Variants in COL26A1 observed in about 807,000 individuals in gnomAD.
The protein encoded by COL26A1 is collagen type XXVI alpha 1 chain.
In COL26A1, 41 loss-of-function variants were observed where a neutral mutation model predicts 59.3. The observed-to-expected ratio is 0.69, with a 90% confidence interval of 0.54 to 0.90. The LOEUF is 0.90. Among genes scored for constraint, COL26A1 ranks in the 40% least tolerant of loss-of-function variants. The probability of loss-of-function intolerance (pLI) is 0.00; values close to 1 mark genes in which losing one functional copy is unlikely to be tolerated. For missense variants in COL26A1, 612 were observed against 602.3 expected (o/e 1.02, Z -0.17); for synonymous variants, 266 against 256.0 (o/e 1.04, Z -0.37).
intron 3 of COL26A1, among the ~76,000 whole-genome samples, chr7:101,497,064 T>C (rs912078673): frequency 1.5e-4 from 22 of 150,062 alleles, no homozygotes; most frequent in Non-Finnish European, 2.5e-4. Flanking sequence ...ATGGTGAAAC[T>C]CCGTCTCTAC....
At chr7:101,465,551 G>A (rs1483671540) in intron 3 of COL26A1, among the ~76,000 whole-genome samples, 8 of 151,948 alleles carry the variant, frequency 5.3e-5, no homozygotes, top group East Asian at 1.9e-4. Flanking sequence ...AAAATCAGTC[G>A]GGCGTGGTGG....
chr7:101,504,873 G>T (rs1794775829), intron 3 of COL26A1, among the ~76,000 whole-genome samples: 1 of 152,060 alleles, frequency 6.6e-6, no homozygotes, highest in African/African-American at 2.4e-5. Flanking sequence ...TTATGTGTGT[G>T]GGCTGGGCAC....
At chr7:101,548,888 C>T (rs538169705) in intron 8 of COL26A1, among the ~76,000 whole-genome samples, 4 of 152,238 alleles carry the variant, frequency 2.6e-5, no homozygotes, top group South Asian at 2.1e-4. Flanking sequence ...GCAGTCTGGA[C>T]GGACTTCCTC....
chr7:101,391,857 T>TCTTTTCTTTA (rs1791736803), intron 1 of COL26A1, among the ~76,000 whole-genome samples: 1 of 51,778 alleles, frequency 1.9e-5, no homozygotes, highest in East Asian at 3.0e-4. Flanking sequence ...GCCAAGCCTT[T>TCTTTTCTTTA]CTTTTCTTTT....
intron 3 of COL26A1, among the ~76,000 whole-genome samples, chr7:101,465,984 A>G (rs1793750470): frequency 6.6e-6 from 1 of 152,158 alleles, no homozygotes; most frequent in African/African-American, 2.4e-5. Context: ...CTTGCTAACA[A>G]CTTGCTAACG....
At chr7:101,409,788 T>C (rs572378097) in intron 1 of COL26A1, among the ~76,000 whole-genome samples, 1 of 151,644 alleles carries the variant, frequency 6.6e-6, no homozygotes, top group East Asian at 1.9e-4. Flanking sequence ...TGAGACGGAG[T>C]CTCGCTCTGT....
chr7:101,390,158 T>G (rs1161751898), intron 1 of COL26A1, among the ~76,000 whole-genome samples: 1 of 136,694 alleles, frequency 7.3e-6, no homozygotes, highest in African/African-American at 2.9e-5. Context: ...GTTTTTTTTT[T>G]TTTTTTTTTT....
chr7:101,422,777 C>A (rs1355951036), intron 2 of COL26A1, among the ~76,000 whole-genome samples: 1 of 152,082 alleles, frequency 6.6e-6, no homozygotes, highest in Non-Finnish European at 1.5e-5. Flanking sequence ...ATAGCTAGGA[C>A]TACAGGCATG....
At chr7:101,495,504 G>A (rs931950667) in intron 3 of COL26A1, among the ~76,000 whole-genome samples, 1 of 151,844 alleles carries the variant, frequency 6.6e-6, no homozygotes, top group Non-Finnish European at 1.5e-5. Flanking sequence ...CGCCTCCCAG[G>A]TTCACGCCAT....
At chr7:101,458,778 G>A (rs1793539246) in intron 3 of COL26A1, among the ~76,000 whole-genome samples, 1 of 151,642 alleles carries the variant, frequency 6.6e-6, no homozygotes, top group Non-Finnish European at 1.5e-5. Flanking sequence ...GCTAAGGAGT[G>A]GCCAGTGTAG....
At chr7:101,369,416 A>C (rs936996493) in intron 1 of COL26A1, among the ~76,000 whole-genome samples, 1 of 150,550 alleles carries the variant, frequency 6.6e-6, no homozygotes, top group Non-Finnish European at 1.5e-5. Context: ...TAAATAAATA[A>C]ATAAATAAAG....
At chr7:101,555,648 T>C in intron 11 of COL26A1, 139 bp from the exon 12 acceptor site, 2 of 602,570 alleles carry the variant, frequency 3.3e-6, no homozygotes, top group Non-Finnish European at 3.0e-6. Flanking sequence ...AGTCTATGCT[T>C]ATTTGCAGTG....
chr7:101,419,856 A>T, intron 1 of COL26A1, 121 bp from the exon 2 acceptor site: 1 of 1,016,338 alleles, frequency 9.8e-7, no homozygotes, highest in Non-Finnish European at 1.5e-6. Context: ...CCCCCCATCC[A>T]AGAGAGCGAG....
intron 1 of COL26A1, among the ~76,000 whole-genome samples, chr7:101,363,401 T>C (rs930584240): frequency 4.3e-5 from 1 of 23,080 alleles, no homozygotes; most frequent in African/African-American, 1.5e-4. Context: ...GATTCGGGCC[T>C]GGGGGCGCGG....
intron 2 of COL26A1, among the ~76,000 whole-genome samples, chr7:101,422,908 TG>T (rs1344565512): frequency 1.3e-5 from 2 of 152,208 alleles, no homozygotes; most frequent in Non-Finnish European, 2.9e-5. Flanking sequence ...CTCAAATTGC[TG>T]GGATTACAGG....
chr7:101,458,651 CA>C (rs34462051), intron 3 of COL26A1, among the ~76,000 whole-genome samples: 5 of 148,106 alleles, frequency 3.4e-5, no homozygotes, highest in East Asian at 2.0e-4. Context: ...ACTCTGTCTC[CA>C]AAAAAAAAAG....
intron 3 of COL26A1, among the ~76,000 whole-genome samples, chr7:101,454,100 C>T (rs895587897): frequency 6.6e-6 from 1 of 152,146 alleles, no homozygotes; most frequent in South Asian, 2.1e-4. Flanking sequence ...CAATAACTTG[C>T]AGCGGTCATT....
Position 101,545,635 on chromosome 7 carries a change from C to T in COL26A1, c.856+145C>T, listed in dbSNP as rs1795720792. On this transcript the variant is annotated intron_variant, in intron 7 of 12. Coordinates refer to ENST00000313669, the MANE Select transcript of COL26A1 (RefSeq NM_001278563.3). ...CAACTGGCTCACTCCTGCAGGCCTC[C>T]TCCAGGAAGCCCTCCATGCAGTGTC... The T allele has an allele frequency of 3.8e-6, 3 of 780,338 alleles. No homozygotes were observed. In the East Asian group the frequency reaches 9.7e-5, roughly 25 times the overall value. The allele number at this position is 780,338 out of a possible 1,614,324, so 48.3% of individuals were successfully genotyped here. A position where few individuals can be genotyped will look rare whatever the true frequency, so the allele number is the denominator to read the frequency against.
At chr7:101,445,728 T>C (rs1584413906) in intron 2 of COL26A1, among the ~76,000 whole-genome samples, 2 of 43,836 alleles carry the variant, frequency 4.6e-5, no homozygotes, top group South Asian at 3.0e-3. Context: ...CGAGACTCCG[T>C]CTCAAAAAAA....
Sources: allele counts gnomAD v4.1 joint callset (sites outside exome capture counted in the v4.1 genomes callset), GRCh38; gene constraint gnomAD v4.1.1; transcripts MANE v1.5; gene names NCBI Gene and HGNC (gene_info 2026-07-23, HGNC 2026-07-21).